Variants in SPTBN4 observed in about 807,000 individuals in gnomAD.
The protein encoded by SPTBN4 is spectrin beta, non-erythrocytic 4.
In SPTBN4, 96 loss-of-function variants were observed where a neutral mutation model predicts 277.8. That is an observed-to-expected ratio of 0.35 (90% confidence interval 0.29 to 0.41). SPTBN4 has a LOEUF of 0.41. Ranked by LOEUF, SPTBN4 falls within the 10% of genes least tolerant of loss-of-function variation. The pLI is 1.00. For missense variants in SPTBN4, 3,006 were observed against 3,595.7 expected, an observed-to-expected ratio of 0.84 and a Z score of 4.19; for synonymous variants, 1,481 against 1,580.3, an observed-to-expected ratio of 0.94 and a Z score of 1.49.
intron 1 of SPTBN4, among the ~76,000 whole-genome samples, chr19:40,471,191 C>T (rs1020534364): frequency 3.3e-5 from 5 of 152,146 alleles, no homozygotes; most frequent in Non-Finnish European, 7.3e-5. Flanking sequence ...AGGTGATCTA[C>T]CCATCTCAGC....
rs1376023831 is a variant in SPTBN4 at position 40,522,858 on chromosome 19, G to A, written c.3655-579G>A. Among the ~76,000 whole-genome samples the A allele has an allele frequency of 2.0e-5, 3 of 152,188 alleles. No individual in the cohort carries two copies. In the East Asian group the frequency reaches 5.8e-4, roughly 30 times the overall value. On this transcript the variant is annotated intron_variant, in intron 16 of 35. Transcript: ENST00000598249. Reference sequence around the variant, plus strand: ...AATAATACAGGAGGGTTGGCTGGGTGTGGTGGCTCACGCCTGTAATCCCAG... The same window carrying A: ...AATAATACAGGAGGGTTGGCTGGGTATGGTGGCTCACGCCTGTAATCCCAG...
At chr19:40,557,000 C>CCA in intron 25 of SPTBN4, 23 bp from the exon 26 acceptor site, 3 of 1,519,088 alleles carry the variant, frequency 2.0e-6, no homozygotes, top group Non-Finnish European at 1.8e-6. Flanking sequence ...TGCTGTACCC[C>CCA]CCCCCCCACT....
intron 16 of SPTBN4, among the ~76,000 whole-genome samples, chr19:40,522,759 C>T (rs1436470704): frequency 6.6e-6 from 1 of 152,178 alleles, no homozygotes; most frequent in African/African-American, 2.4e-5. Flanking sequence ...ATGTGGTTGA[C>T]ATTCTAGTAT....
intron 13 of SPTBN4, among the ~76,000 whole-genome samples, chr19:40,506,671 A>G (rs1448869532): frequency 6.6e-6 from 1 of 152,276 alleles, no homozygotes; most frequent in East Asian, 1.9e-4. Context: ...GATCTCAACG[A>G]ATACCATTTA....
At chr19:40,471,034 C>T (rs1039679748) in intron 1 of SPTBN4, among the ~76,000 whole-genome samples, 1 of 151,526 alleles carries the variant, frequency 6.6e-6, no homozygotes, top group Admixed American at 6.6e-5. Flanking sequence ...ACTGCAGCCT[C>T]CACCTCCCAG....
At position 40,532,765 on chromosome 19, in the gene SPTBN4, C is replaced by T. The variant is rs148923146; in HGVS notation, c.4089C>T (p.Ile1363=). 417 of 1,610,124 alleles carry T rather than the reference C, an allele frequency of 2.6e-4. 2 individuals are homozygous for T. The East Asian group carries it at 8.3e-3, about 32-fold the overall frequency. The change falls in exon 19 of 36, where the codon ATC becomes ATT. Residue 1363 remains isoleucine (I), a synonymous_variant. Transcript: ENST00000598249. The part of the protein sequence containing the change: ...LAQNKEWLEK[I]EREGQQLMQE... ...AGAATAAGGAGTGGCTGGAGAAGAT[C>T]GAGCGGGTGAGGAAGCTGATGGCCC... is the stretch of plus-strand genomic sequence containing the variant.
intron 13 of SPTBN4, among the ~76,000 whole-genome samples, chr19:40,509,399 C>T (rs993377152): frequency 6.6e-6 from 1 of 151,864 alleles, no homozygotes; most frequent in African/African-American, 2.4e-5. Flanking sequence ...GCATGCGCCA[C>T]CATGTCCGGC....
intron 12 of SPTBN4, among the ~76,000 whole-genome samples, chr19:40,505,141 T>C (rs2080310714): frequency 6.6e-6 from 1 of 150,606 alleles, no homozygotes; most frequent in African/African-American, 2.4e-5. Context: ...TACCAGCACT[T>C]TGGGAGGCCG....
chr19:40,483,684 G>T (rs2145817325), intron 2 of SPTBN4, among the ~76,000 whole-genome samples: 1 of 152,190 alleles, frequency 6.6e-6, no homozygotes, highest in South Asian at 2.1e-4. Flanking sequence ...TGGCAGAAAA[G>T]ATGCTAAATT....
At chr19:40,484,745 G>A (rs1168108221) in intron 2 of SPTBN4, among the ~76,000 whole-genome samples, 1 of 151,720 alleles carries the variant, frequency 6.6e-6, no homozygotes, top group Non-Finnish European at 1.5e-5. Context: ...GGCTAACATG[G>A]TGAAACCCCA....
At chr19:40,543,481 G>T (rs1233889802) in intron 20 of SPTBN4, among the ~76,000 whole-genome samples, 2 of 151,950 alleles carry the variant, frequency 1.3e-5, no homozygotes, top group African/African-American at 2.4e-5. Flanking sequence ...TGATGTATTT[G>T]GAAGGAGAGG....
chr19:40,560,298 A>G lies in SPTBN4; in HGVS notation c.5810A>G (p.His1937Arg). ...TCAGCCTGTGAGGATGCCCGCCTGCATGTCAGCTCCACAGCCGACGCCCTG... is the reference window on the plus strand; with the variant it reads ...TCAGCCTGTGAGGATGCCCGCCTGCGTGTCAGCTCCACAGCCGACGCCCTG... ...LLSACEDARL[H>R]VSSTADALRF... Residue 1937 changes from histidine to arginine, a missense_variant, in exon 27 of 36, where the codon CAT (histidine) becomes CGT (arginine). Coordinates refer to ENST00000598249, the MANE Select transcript of SPTBN4 (RefSeq NM_020971.3). The surrounding 1 kb of genome is among the most constrained non-coding windows in gnomAD (Gnocchi z 5.2). 1 of 1,614,088 alleles carries G rather than the reference A, an allele frequency of 6.2e-7. No homozygotes were observed. Among genetic ancestry groups the G allele is most frequent in the Non-Finnish European group, 8.5e-7 (1 of 1,179,996 alleles).
In SPTBN4 at chr19:40,565,242, G is replaced by A. The variant is rs530639841; in HGVS notation, c.5916-181G>A. Among the ~76,000 whole-genome samples, 361 of 151,696 alleles carry A rather than the reference G, an allele frequency of 2.4e-3. 2 individuals are homozygous for A. Among genetic ancestry groups the A allele is most frequent in the African/African-American group, 8.5e-3 (353 of 41,334 alleles). ...ATCGCCCCACTGCACTCCAGCCTGG[G>A]CCATAGGGTGAGACTTTATCTCAAA... On this transcript the variant is annotated intron_variant, in intron 27 of 35. Transcript: ENST00000598249.
At chr19:40,549,451 G>A in intron 21 of SPTBN4, 38 bp downstream of exon 21, 1 of 1,235,250 alleles carries the variant, frequency 8.1e-7, no homozygotes, top group Non-Finnish European at 1.1e-6. Context: ...GGGCGGGGCG[G>A]GGCGGTGGGG....
intron 2 of SPTBN4, among the ~76,000 whole-genome samples, chr19:40,475,753 C>A (rs1425721244): frequency 6.6e-6 from 1 of 150,416 alleles, no homozygotes; most frequent in African/African-American, 2.4e-5. Context: ...TGAGCCATGG[C>A]GCTGGCTCAA....
At position 40,506,404 on chromosome 19, in the gene SPTBN4, G is replaced by T. The variant is rs1253384085; in HGVS notation, c.1816+18G>T. The stretch of plus-strand genomic sequence containing the variant: ...GCTGCAGGGTGAGTCTTGGGGCTGG[G>T]GCTGGGGCTATGGGTGGAGACTGTC... On this transcript the variant is annotated intron_variant, in intron 13 of 35. Coordinates refer to ENST00000598249, the MANE Select transcript of SPTBN4 (RefSeq NM_020971.3). 6.2e-7 allele frequency: 1 copy of T among 1,604,214 alleles called. No homozygotes were observed. Among genetic ancestry groups the T allele is most frequent in the Non-Finnish European group, 8.5e-7 (1 of 1,173,724 alleles).
At chr19:40,521,515 A>G (rs1205004084) in intron 16 of SPTBN4, among the ~76,000 whole-genome samples, 2 of 152,054 alleles carry the variant, frequency 1.3e-5, no homozygotes, top group Admixed American at 1.3e-4. Flanking sequence ...AGATTCTCAT[A>G]AGGAGTGTGC....
chr19:40,515,570 A>T lies in SPTBN4; in HGVS notation c.2903+122A>T. On this transcript the variant is annotated intron_variant, in intron 15 of 35. Coordinates refer to ENST00000598249, the MANE Select transcript of SPTBN4 (RefSeq NM_020971.3). This position sits in a 1 kb window ranked among gnomAD's most constrained non-coding sequence, Gnocchi z 4.1. ...ATAATGGCCACCCGATAAATCAACA[A>T]AATGTTGACCAAAAATCATAATCCC... 1.7e-6 allele frequency: 2 copies of T among 1,192,388 alleles called. No individual in the cohort carries two copies. Among genetic ancestry groups the T allele is most frequent in the Non-Finnish European group, 2.2e-6 (2 of 897,694 alleles). 73.9% of individuals were successfully genotyped at this position (1,192,388 alleles called of 1,614,324 possible).
Position 40,502,088 on chromosome 19 carries a change from G to C in SPTBN4, c.898-40G>C. 1.2e-6 allele frequency: 2 copies of C among 1,613,484 alleles called. No individual in the cohort carries two copies. The highest frequency in any genetic ancestry group is 1.7e-6 in the Non-Finnish European group (2 of 1,179,858). ...GAAGCTGGAAGCTGGTGGCAGGCAC[G>C]GGTGGGATGAGGCTGACCCCCCTTC... On this transcript the variant is annotated intron_variant, in intron 8 of 35. Transcript: ENST00000598249. The surrounding 1 kb of genome is among the most constrained non-coding windows in gnomAD (Gnocchi z 4.9).
Sources: allele counts gnomAD v4.1 joint callset (sites outside exome capture counted in the v4.1 genomes callset), GRCh38; gene constraint gnomAD v4.1.1; non-coding constraint Gnocchi (gnomAD v3.1); transcripts MANE v1.5; gene names NCBI Gene and HGNC (gene_info 2026-07-23, HGNC 2026-07-21).